Variants in ZSWIM6 observed in about 807,000 individuals in gnomAD.
ZSWIM6 encodes zinc finger SWIM-type containing 6, also known as zinc finger SWIM domain-containing protein 6.
Under a neutral mutation model 113.2 loss-of-function variants are expected in ZSWIM6, and 9 were observed. The ratio of observed to expected loss-of-function variants is 0.08; its 90% CI spans 0.05 to 0.14. The LOEUF (loss-of-function observed/expected upper bound fraction) is 0.14. Ranked by LOEUF, ZSWIM6 falls within the 10% of genes least tolerant of loss-of-function variation. ZSWIM6 has a pLI of 1.00. For synonymous variants in ZSWIM6, 611 were observed against 606.5 expected, an observed-to-expected ratio of 1.01 and a Z score of -0.11; for missense variants, 1,162 against 1,552.2, an observed-to-expected ratio of 0.75 and a Z score of 4.22.
At position 61,511,452 on chromosome 5, in the gene ZSWIM6, ATGTT is replaced by A. The variant is rs1748785525; in HGVS notation, c.1334-9807_1334-9804del. Among the ~76,000 whole-genome samples, 3 of 152,076 alleles carry A rather than the reference ATGTT, an allele frequency of 2.0e-5. No homozygotes were observed. In the South Asian group the frequency reaches 6.2e-4, roughly 31 times the overall value. ...TAGTTTTCTTATCGCTATGGTCTGAATGTTTGTGTCCTCCCCAAATTTTTTATGT... is the reference window on the plus strand; with the variant it reads ...TAGTTTTCTTATCGCTATGGTCTGAATGTGTCCTCCCCAAATTTTTTATGT... On this transcript the variant is annotated intron_variant, in intron 4 of 13. Coordinates refer to ENST00000252744, the MANE Select transcript of ZSWIM6 (RefSeq NM_020928.2).
Position 61,391,096 on chromosome 5 carries a change from G to A in ZSWIM6, c.676+58148G>A, listed in dbSNP as rs1487146358. ...TGCCACAGGTAAGGCCACAGGGGCAGGATGCTGTGTCCCAGTACAGGCCAC... is the reference window on the plus strand; with the variant it reads ...TGCCACAGGTAAGGCCACAGGGGCAAGATGCTGTGTCCCAGTACAGGCCAC... On this transcript the variant is annotated intron_variant, in intron 1 of 13. Transcript: ENST00000252744. 4.0e-6 allele frequency: 3 copies of A among 743,722 alleles called. No individual in the cohort carries two copies. In the Admixed American group the frequency reaches 5.3e-5, roughly 13 times the overall value. The allele number at this position is 743,722 out of a possible 1,614,324, so 46.1% of individuals were successfully genotyped here. A position where few individuals can be genotyped will look rare whatever the true frequency, so the allele number is the denominator to read the frequency against.
chr5:61,382,824 G>T (rs1162818736), intron 1 of ZSWIM6, among the ~76,000 whole-genome samples: 2 of 151,484 alleles, frequency 1.3e-5, no homozygotes, highest in African/African-American at 2.4e-5. Context: ...AAAAAAGAAA[G>T]AAAGAAAGAA....
intron 1 of ZSWIM6, among the ~76,000 whole-genome samples, chr5:61,333,283 G>A (rs1005333257): frequency 3.3e-5 from 5 of 152,092 alleles, no homozygotes; most frequent in African/African-American, 1.2e-4. Flanking sequence ...GGGGGTGGAT[G>A]TGGACAAAGG....
intron 1 of ZSWIM6, among the ~76,000 whole-genome samples, chr5:61,463,005 C>G (rs1004233809): frequency 6.6e-6 from 1 of 152,092 alleles, no homozygotes; most frequent in African/African-American, 2.4e-5. Flanking sequence ...AAAATAGCTG[C>G]CTATATATTT....
intron 4 of ZSWIM6, among the ~76,000 whole-genome samples, chr5:61,519,677 G>A (rs1247872228): frequency 6.6e-6 from 1 of 152,032 alleles, no homozygotes; most frequent in Non-Finnish European, 1.5e-5. Flanking sequence ...AAATATCTGT[G>A]GCTTAGATGG....
At position 61,459,620 on chromosome 5, in the gene ZSWIM6, ACT is replaced by A. The variant is rs1452747347; in HGVS notation, c.677-13056_677-13055del. 8.0e-4 allele frequency among the ~76,000 whole-genome samples: 121 copies of A among 152,110 alleles called. 1 individual carries two copies. The highest frequency in any genetic ancestry group is 2.7e-3 in the African/African-American group (111 of 41,482). ...CTATCTTGAAGCTTCTCACAATAGAACTCTCTGGTAGAGTATTCAGATTTCAT... is the reference window on the plus strand; with the variant it reads ...CTATCTTGAAGCTTCTCACAATAGAACTCTGGTAGAGTATTCAGATTTCAT... On this transcript the variant is annotated intron_variant, in intron 1 of 13. Transcript: ENST00000252744.
chr5:61,346,702 C>CT (rs1744665639), intron 1 of ZSWIM6, among the ~76,000 whole-genome samples: 1 of 152,168 alleles, frequency 6.6e-6, no homozygotes, highest in African/African-American at 2.4e-5. Context: ...GCTCAGATGA[C>CT]TTTCCTTATT....
intron 1 of ZSWIM6, among the ~76,000 whole-genome samples, chr5:61,449,689 C>T (rs144964688): frequency 2.5e-4 from 38 of 152,210 alleles, no homozygotes; most frequent in Middle Eastern, 3.4e-3. Context: ...GTCACATGCC[C>T]GGCAAAACTG....
chr5:61,365,212 TGTG>T (rs1745125774), intron 1 of ZSWIM6, among the ~76,000 whole-genome samples: 1 of 151,968 alleles, frequency 6.6e-6, no homozygotes, highest in Middle Eastern at 3.4e-3. Flanking sequence ...ATTAGCCAGA[TGTG>T]GTGGCAGGTG....
chr5:61,500,100 T>TTTATTATTA (rs61415779), intron 4 of ZSWIM6, among the ~76,000 whole-genome samples: 4,973 of 145,258 alleles, frequency 0.034, 147 homozygotes, highest in African/African-American at 0.066. Context: ...TGTCCTCAGC[T>TTTATTATTA]TTATTATTAT....
chr5:61,514,947 T>TA (rs1748891028), intron 4 of ZSWIM6, among the ~76,000 whole-genome samples: 1 of 152,196 alleles, frequency 6.6e-6, no homozygotes, highest in Non-Finnish European at 1.5e-5. Context: ...GAATTGATAC[T>TA]ATTTCTTAAA....
chr5:61,336,509 G>A (rs1049797272), intron 1 of ZSWIM6, among the ~76,000 whole-genome samples: 8 of 152,216 alleles, frequency 5.3e-5, no homozygotes, highest in African/African-American at 1.7e-4. Context: ...TGTAATCCCA[G>A]CACTTTGGGA....
chr5:61,415,548 C>T (rs946763784), intron 1 of ZSWIM6, among the ~76,000 whole-genome samples: 2 of 151,366 alleles, frequency 1.3e-5, no homozygotes, highest in Admixed American at 6.6e-5. Context: ...GCCGAGATCA[C>T]GCCACTGCAC....
chr5:61,483,745 C>T (rs1036366564), intron 2 of ZSWIM6, among the ~76,000 whole-genome samples: 6 of 150,174 alleles, frequency 4.0e-5, no homozygotes, highest in East Asian at 3.9e-4. Flanking sequence ...GGCGTGGTGG[C>T]GGCTGCCTGT....
At chr5:61,460,927 T>C (rs1017250468) in intron 1 of ZSWIM6, among the ~76,000 whole-genome samples, 1 of 152,126 alleles carries the variant, frequency 6.6e-6, no homozygotes, top group African/African-American at 2.4e-5. Flanking sequence ...CTACCTATAT[T>C]TATGTATTTT....
intron 1 of ZSWIM6, among the ~76,000 whole-genome samples, chr5:61,421,064 C>T (rs1275224734): frequency 6.6e-6 from 1 of 151,908 alleles, no homozygotes; most frequent in Non-Finnish European, 1.5e-5. Flanking sequence ...GAATTACCGG[C>T]GCACCCTGCT....
At chr5:61,510,501 CT>C (rs35089164) in intron 4 of ZSWIM6, among the ~76,000 whole-genome samples, 210 of 147,162 alleles carry the variant, frequency 1.4e-3, no homozygotes, top group Middle Eastern at 3.4e-3. Flanking sequence ...GTGACGAATG[CT>C]TTTTTTTTTT....
intron 4 of ZSWIM6, among the ~76,000 whole-genome samples, chr5:61,507,006 T>G (rs1748640204): frequency 6.6e-6 from 1 of 152,146 alleles, no homozygotes; most frequent in African/African-American, 2.4e-5. Context: ...TTTTTCTGAA[T>G]TTGAGACAGA....
chr5:61,379,637 T>C (rs1273282375), intron 1 of ZSWIM6, among the ~76,000 whole-genome samples: 1 of 152,204 alleles, frequency 6.6e-6, no homozygotes, highest in African/African-American at 2.4e-5. Context: ...TTTCCATTGG[T>C]TTTTGTCTTG....
Sources: allele counts gnomAD v4.1 joint callset (sites outside exome capture counted in the v4.1 genomes callset), GRCh38; gene constraint gnomAD v4.1.1; transcripts MANE v1.5; gene names NCBI Gene and HGNC (gene_info 2026-07-23, HGNC 2026-07-21).